The following SYCP1 variants were observed in gnomAD, a reference collection of about 807,000 sequenced individuals.
SYCP1 encodes cancer/testis antigen 8.
Under a neutral mutation model 153.1 loss-of-function variants are expected in SYCP1, and 64 were observed. The observed-to-expected ratio is 0.42, with a 90% CI of 0.34 to 0.51. SYCP1 has a LOEUF of 0.51. Ranked by LOEUF, SYCP1 falls within the 20% of genes least tolerant of loss-of-function variation. The pLI is 0.06. For missense variants in SYCP1, 997 were observed against 1,049.0 expected (o/e 0.95, Z 0.68); for synonymous variants, 384 against 341.8 (o/e 1.12, Z -1.36).
At chr1:114,900,677 C>A (rs1027849720) in intron 16 of SYCP1, among the ~76,000 whole-genome samples, 6 of 152,192 alleles carry the variant, frequency 3.9e-5, no homozygotes, top group African/African-American at 4.8e-5. Context: ...ATAATAGTAA[C>A]TTTTAGCAAT....
At chr1:114,991,265 C>T (rs1214195309) in intron 30 of SYCP1, among the ~76,000 whole-genome samples, 1 of 151,792 alleles carries the variant, frequency 6.6e-6, no homozygotes, top group Non-Finnish European at 1.5e-5. Flanking sequence ...TTAAATTCTT[C>T]CAAAAAGTTG....
intron 28 of SYCP1, among the ~76,000 whole-genome samples, chr1:114,980,879 A>G (rs936854531): frequency 6.6e-6 from 1 of 151,898 alleles, no homozygotes; most frequent in Non-Finnish European, 1.5e-5. Context: ...TTTGTCACCC[A>G]GGTATTAAAC....
At chr1:114,985,675 C>A (rs924215539) in intron 30 of SYCP1, among the ~76,000 whole-genome samples, 10 of 151,578 alleles carry the variant, frequency 6.6e-5, no homozygotes, top group Non-Finnish European at 1.5e-4. Context: ...AGTCTTAAAA[C>A]CCTAAATATT....
intron 20 of SYCP1, among the ~76,000 whole-genome samples, chr1:114,922,559 C>T (rs567878138): frequency 1.6e-4 from 24 of 152,122 alleles, no homozygotes; most frequent in South Asian, 1.5e-3. Flanking sequence ...TGCAAGAGTT[C>T]GCTATTGCAG....
At chr1:114,932,491 A>G (rs957575926) in intron 23 of SYCP1, among the ~76,000 whole-genome samples, 2 of 152,182 alleles carry the variant, frequency 1.3e-5, no homozygotes, top group African/African-American at 4.8e-5. Context: ...AGCATGAGTG[A>G]CGCAGAAGAT....
chr1:114,900,541 G>A (rs1010182459), intron 16 of SYCP1, among the ~76,000 whole-genome samples: 15 of 152,104 alleles, frequency 9.9e-5, no homozygotes, highest in Admixed American at 2.0e-4. Context: ...TCGGCCTCCC[G>A]AAGTGCTGGG....
rs533236604 is a variant in SYCP1 at position 114,946,318 on chromosome 1, A to G, written c.2184A>G (p.Arg728=). 5.0e-6 allele frequency: 8 copies of G among 1,584,826 alleles called. No individual in the cohort carries two copies. In the African/African-American group the frequency reaches 1.1e-4, roughly 22 times the overall value. ...AATATGATAAGATCATTGAAGAAAG[A>G]GACTCAGAATTAGGACTTTATAAGA... is the stretch of plus-strand genomic sequence containing the variant. The part of the protein sequence containing the change: ...KHQYDKIIEE[R]DSELGLYKSK... The change falls in exon 26 of 32, where the codon AGA becomes AGG. Residue 728 remains arginine (R), a synonymous_variant. Transcript: ENST00000369522.
chr1:114,881,541 T>TTCCTTCCTTCCTTCC (rs1557767728), intron 12 of SYCP1, among the ~76,000 whole-genome samples: 21 of 151,706 alleles, frequency 1.4e-4, no homozygotes, highest in East Asian at 5.9e-4. Flanking sequence ...CCTTCCTTCC[T>TTCCTTCCTTCCTTCC]TTCTTGATGG....
chr1:114,895,635 A>G (rs757369590), intron 16 of SYCP1, 126 bp downstream of exon 16: 37 of 485,810 alleles, frequency 7.6e-5, no homozygotes, highest in African/African-American at 1.2e-4. Context: ...TGTAAAAATT[A>G]TATTTGGTTT....
intron 16 of SYCP1, among the ~76,000 whole-genome samples, chr1:114,900,511 C>A (rs111359616): frequency 0.013 from 1,989 of 152,292 alleles, 51 homozygotes; most frequent in African/African-American, 0.046. Flanking sequence ...AAATTCCTGA[C>A]CACAAGTGAT....
At chr1:114,939,282 C>T (rs1363029819) in intron 23 of SYCP1, among the ~76,000 whole-genome samples, 1 of 152,060 alleles carries the variant, frequency 6.6e-6, no homozygotes, top group East Asian at 1.9e-4. Flanking sequence ...TGTGATCCAA[C>T]AATTATTTTC....
At chr1:114,857,053 G>A (rs12029545) in intron 3 of SYCP1, among the ~76,000 whole-genome samples, 179 bp from the exon 4 acceptor site, 1 of 141,634 alleles carries the variant, frequency 7.1e-6, no homozygotes, top group African/African-American at 2.6e-5. Context: ...GAGCCCTAGA[G>A]ATGGAGGCTT....
chr1:114,969,116 G>A (rs566753779), intron 27 of SYCP1, among the ~76,000 whole-genome samples: 1 of 152,254 alleles, frequency 6.6e-6, no homozygotes, highest in East Asian at 1.9e-4. Context: ...GTGTATGTTG[G>A]CCCCTGCTGG....
intron 27 of SYCP1, among the ~76,000 whole-genome samples, chr1:114,975,945 T>G (rs913545407): frequency 6.6e-6 from 1 of 151,710 alleles, no homozygotes; most frequent in Non-Finnish European, 1.5e-5. Context: ...TCTTAGAATC[T>G]AAAAAAATGA....
chr1:114,896,708 T>C (rs1667080737), intron 16 of SYCP1, among the ~76,000 whole-genome samples: 1 of 152,238 alleles, frequency 6.6e-6, no homozygotes, highest in Non-Finnish European at 1.5e-5. Flanking sequence ...TGTAACACTT[T>C]ATAAATATTT....
chr1:114,913,435 C>G (rs1668310962), intron 19 of SYCP1, among the ~76,000 whole-genome samples: 1 of 151,904 alleles, frequency 6.6e-6, no homozygotes, highest in Admixed American at 6.6e-5. Context: ...TTAAGTCATA[C>G]AAGATTGTGG....
At chr1:114,906,601 T>C (rs1019083684) in intron 16 of SYCP1, among the ~76,000 whole-genome samples, 1 of 152,158 alleles carries the variant, frequency 6.6e-6, no homozygotes, top group Non-Finnish European at 1.5e-5. Flanking sequence ...CTCTTGAGGG[T>C]TTTCCTTTGA....
chr1:114,873,813 C>T (rs545344348), intron 8 of SYCP1, among the ~76,000 whole-genome samples: 3 of 152,094 alleles, frequency 2.0e-5, no homozygotes, highest in Non-Finnish European at 4.4e-5. Flanking sequence ...CTCACTGCGA[C>T]CTCTGCCTTC....
intron 27 of SYCP1, among the ~76,000 whole-genome samples, chr1:114,948,883 T>C (rs1396441257): frequency 6.6e-6 from 1 of 152,216 alleles, no homozygotes; most frequent in African/African-American, 2.4e-5. Context: ...CCCTCAGCAA[T>C]CTTTACTTTT....
Sources: allele counts gnomAD v4.1 joint callset (sites outside exome capture counted in the v4.1 genomes callset), GRCh38; gene constraint gnomAD v4.1.1; transcripts MANE v1.5; gene names NCBI Gene and HGNC (gene_info 2026-07-23, HGNC 2026-07-21).